Variants in PCDHGB2 observed in about 807,000 individuals in gnomAD.
PCDHGB2 encodes the protein protocadherin gamma subfamily B, 2, also known as protocadherin gamma-B2.
Under a neutral mutation model 59.3 loss-of-function variants are expected in PCDHGB2, and 55 were observed. The ratio of observed to expected loss-of-function variants is 0.93; its 90% CI spans 0.75 to 1.16. PCDHGB2 has a LOEUF of 1.16. Ranked by LOEUF, PCDHGB2 falls within the 50% of genes most tolerant of loss-of-function variation. PCDHGB2 has a pLI of 0.00. For synonymous variants in PCDHGB2, 516 were observed against 512.0 expected (o/e 1.01, Z -0.11); for missense variants, 1,228 against 1,198.5 (o/e 1.02, Z -0.36).
rs72790062 is a variant in PCDHGB2, at chr5:141,476,031, C to A, written c.2422-18776C>A. On this transcript the variant is annotated intron_variant, in intron 1 of 3. Coordinates refer to ENST00000522605, the MANE Select transcript of PCDHGB2 (RefSeq NM_018923.3). The surrounding 1 kb of genome is among the most constrained non-coding windows in gnomAD (Gnocchi z 7.6). Reference sequence around the variant, plus strand: ...AAGCCATGTCGGACTCGGCGCCCAGCGCCCAAGCGCTAACCCGCTGAAAGT... The same window carrying A: ...AAGCCATGTCGGACTCGGCGCCCAGAGCCCAAGCGCTAACCCGCTGAAAGT... 6.9e-6 allele frequency: 10 copies of A among 1,457,214 alleles called. No homozygotes were observed. The highest frequency in any genetic ancestry group is 9.1e-6 in the Non-Finnish European group (10 of 1,094,860). 90.3% of individuals were successfully genotyped at this position (1,457,214 alleles called of 1,614,324 possible).
intron 1 of PCDHGB2, chr5:141,411,396 C>G (rs985023346): frequency 2.1e-5 from 3 of 145,420 alleles, no homozygotes; most frequent in African/African-American, 5.1e-5. Context: ...ATAGGGAGAC[C>G]CCCCATCTCT....
intron 1 of PCDHGB2, among the ~76,000 whole-genome samples, chr5:141,462,993 T>A (rs1350208420): frequency 1.3e-5 from 2 of 152,164 alleles, no homozygotes; most frequent in African/African-American, 4.8e-5. Flanking sequence ...TTGGGCTAAT[T>A]TAGACCTACC....
intron 1 of PCDHGB2, among the ~76,000 whole-genome samples, chr5:141,481,037 G>A (rs1438691746): frequency 2.0e-5 from 3 of 152,050 alleles, no homozygotes; most frequent in East Asian, 3.9e-4. Context: ...CAGCCTGGGC[G>A]ACAGAGCGAG....
chr5:141,459,406 A>C (rs2098967498), intron 1 of PCDHGB2, among the ~76,000 whole-genome samples: 1 of 152,218 alleles, frequency 6.6e-6, no homozygotes, highest in Admixed American at 6.5e-5. Flanking sequence ...GCAGTATTGC[A>C]TTGTGTGGAT....
intron 1 of PCDHGB2, among the ~76,000 whole-genome samples, chr5:141,373,486 G>A (rs1769628161): frequency 1.3e-5 from 2 of 152,192 alleles, no homozygotes; most frequent in Non-Finnish European, 2.9e-5. Flanking sequence ...TTGTGCCCCT[G>A]CACTCTAGCC....
chr5:141,382,997 A>G lies in PCDHGB2; in HGVS notation c.2421+20441A>G, dbSNP rs1209270277. On this transcript the variant is annotated intron_variant, in intron 1 of 3. Transcript: ENST00000522605. Reference sequence around the variant, plus strand: ...GAAGCCTGGGCAGGACGTATTCTCTACTCCGTGTCGGAGGAGACGGACAAA... The same window carrying G: ...GAAGCCTGGGCAGGACGTATTCTCTGCTCCGTGTCGGAGGAGACGGACAAA... 1 of 1,613,426 alleles carries G rather than the reference A, an allele frequency of 6.2e-7. No individual in the cohort carries two copies. Among genetic ancestry groups the G allele is most frequent in the Non-Finnish European group, 8.5e-7 (1 of 1,179,728 alleles).
intron 1 of PCDHGB2, among the ~76,000 whole-genome samples, chr5:141,482,412 T>C (rs2099559037): frequency 6.6e-6 from 1 of 151,636 alleles, no homozygotes; most frequent in Non-Finnish European, 1.5e-5. Context: ...TAACTATTTG[T>C]TGAACTAAAA....
intron 2 of PCDHGB2, among the ~76,000 whole-genome samples, chr5:141,500,381 T>G (rs1013284512): frequency 7.2e-5 from 11 of 151,786 alleles, no homozygotes; most frequent in African/African-American, 2.7e-4. Flanking sequence ...GCTAATTATT[T>G]TGTATTTTTA....
chr5:141,502,524 C>T (rs959562458), intron 2 of PCDHGB2, among the ~76,000 whole-genome samples: 3 of 151,910 alleles, frequency 2.0e-5, no homozygotes, highest in East Asian at 1.9e-4. Flanking sequence ...TCAGTGATGC[C>T]GAGTTTGTTC....
At chr5:141,478,620 G>A (rs1400703951) in intron 1 of PCDHGB2, 2 of 1,555,472 alleles carry the variant, frequency 1.3e-6, no homozygotes, top group East Asian at 2.4e-5. Context: ...AAGGAATGGA[G>A]CTGTTTTTTT....
chr5:141,372,012 C>T, intron 1 of PCDHGB2: 1 of 1,613,320 alleles, frequency 6.2e-7, no homozygotes, highest in South Asian at 1.1e-5. Context: ...CCAGGGCTCG[C>T]CTACGCTCAG....
intron 1 of PCDHGB2, among the ~76,000 whole-genome samples, chr5:141,450,894 G>C (rs919860611): frequency 6.7e-6 from 1 of 148,956 alleles, no homozygotes; most frequent in Admixed American, 6.7e-5. Context: ...GTGCGATATC[G>C]GCTCACTGCA....
intron 1 of PCDHGB2, chr5:141,364,397 C>T (rs1412341598): frequency 1.2e-6 from 2 of 1,605,004 alleles, no homozygotes; most frequent in Admixed American, 3.4e-5. Flanking sequence ...CCTGGGGACG[C>T]TGTGCGAGCC....
intron 1 of PCDHGB2, among the ~76,000 whole-genome samples, chr5:141,460,173 A>C (rs2098983888): frequency 6.6e-6 from 1 of 152,004 alleles, no homozygotes; most frequent in Admixed American, 6.6e-5. Flanking sequence ...TATTTTGTGG[A>C]TATTTTATCC....
At position 141,487,937 on chromosome 5, in the gene PCDHGB2, T is replaced by G; in HGVS notation, c.2422-6870T>G. 2 of 603,606 alleles carry G rather than the reference T, an allele frequency of 3.3e-6. No homozygotes were observed. The highest frequency in any genetic ancestry group is 2.9e-6 in the Non-Finnish European group (1 of 345,124). 37.4% of individuals were successfully genotyped at this position (603,606 alleles called of 1,614,324 possible). ...GGAGGCTACAGTGCACAGGGTACAG[T>G]GCACCAGGCAGTCACTTGGACAAAG... On this transcript the variant is annotated intron_variant, in intron 1 of 3. Transcript: ENST00000522605. The surrounding 1 kb of genome is among the most constrained non-coding windows in gnomAD (Gnocchi z 5.0).
In PCDHGB2 at chr5:141,361,529, A is replaced by C. The variant is rs1251773274; in HGVS notation, c.1394A>C (p.Asn465Thr). 8.7e-6 allele frequency: 14 copies of C among 1,613,912 alleles called. No individual in the cohort carries two copies. The highest frequency in any genetic ancestry group is 1.2e-5 in the Non-Finnish European group (14 of 1,179,900). ...TACATGGTTCACGTGGCAGAGAACA[A>C]TCCTCCTGGCGCCTCTATCGCTCAA... The part of the protein sequence containing the change: ...TSYMVHVAEN[N>T]PPGASIAQIS... The change falls in exon 1 of 4, where the codon AAT (asparagine) becomes ACT (threonine). Residue 465 changes from asparagine (N) to threonine (T), a missense_variant. By Grantham distance (65) the Asn-to-Thr change is moderately conservative. Coordinates refer to ENST00000522605, the MANE Select transcript of PCDHGB2 (RefSeq NM_018923.3).
intron 1 of PCDHGB2, chr5:141,414,421 A>C (rs1250470349): frequency 6.2e-7 from 1 of 1,613,894 alleles, no homozygotes; most frequent in East Asian, 2.2e-5. Context: ...AGCCCTTGAC[A>C]GGGAACAGGT....
chr5:141,360,351 G>T lies in PCDHGB2; in HGVS notation c.216G>T (p.Lys72Asn). 6.2e-7 allele frequency: 1 copy of T among 1,613,876 alleles called. No homozygotes were observed. Among genetic ancestry groups the T allele is most frequent in the Non-Finnish European group, 8.5e-7 (1 of 1,179,814 alleles). ...GGAAGCTGCGGGTTAGCGCGGAGAA[G>T]GAATATTTCACAGTAAACCCAGAAA... ...PARKLRVSAE[K>N]EYFTVNPESG... Residue 72 changes from lysine (K) to asparagine (N), a missense_variant, in exon 1 of 4, where the codon AAG becomes AAT. By Grantham distance (94) the Lys-to-Asn change is moderately conservative (BLOSUM62 0). This residue lies in a region of PCDHGB2 where 781 missense variants were observed against 721.6 expected (regional missense o/e 1.08). Coordinates refer to ENST00000522605, the MANE Select transcript of PCDHGB2 (RefSeq NM_018923.3).
intron 1 of PCDHGB2, chr5:141,415,388 G>T: frequency 6.2e-7 from 1 of 1,614,236 alleles, no homozygotes; most frequent in Non-Finnish European, 8.5e-7. Context: ...GGCTTGACAG[G>T]TGTGTCCGGC....
Sources: allele counts gnomAD v4.1 joint callset (sites outside exome capture counted in the v4.1 genomes callset), GRCh38; gene constraint gnomAD v4.1.1; regional missense constraint gnomAD v4.1.1; non-coding constraint Gnocchi (gnomAD v3.1); transcripts MANE v1.5; gene names NCBI Gene and HGNC (gene_info 2026-07-23, HGNC 2026-07-21).